OSBPL1A: variants seen among roughly 807,000 people sequenced by gnomAD.
OSBPL1A encodes the protein oxysterol binding protein like 1A, also known as oxysterol-binding protein-related protein 1.
A neutral mutation model predicts 137.1 loss-of-function variants in OSBPL1A; 80 were observed. The observed-to-expected ratio is 0.58, with a 90% CI of 0.49 to 0.70. The LOEUF (loss-of-function observed/expected upper bound fraction) is 0.70, where lower values mean the gene tolerates loss of function less well. OSBPL1A is among the 30% of genes least tolerant of loss of function. OSBPL1A has a pLI of 0.00. For synonymous variants in OSBPL1A, 365 were observed against 389.7 expected (o/e 0.94, Z 0.75); for missense variants, 970 against 1,129.4 (o/e 0.86, Z 2.02).
intron 27 of OSBPL1A, among the ~76,000 whole-genome samples, chr18:24,164,480 G>C (rs1467341499): frequency 7.5e-6 from 1 of 132,454 alleles, no homozygotes; most frequent in African/African-American, 2.9e-5. Context: ...CCAGGCTGGA[G>C]TGCAGTGGCG....
intron 2 of OSBPL1A, among the ~76,000 whole-genome samples, chr18:24,371,170 C>T (rs925416117): frequency 2.0e-5 from 3 of 152,114 alleles, no homozygotes; most frequent in Non-Finnish European, 4.4e-5. Flanking sequence ...ACACCCAGGT[C>T]GCTAACCAAC....
At chr18:24,265,836 C>T (rs912483999) in intron 15 of OSBPL1A, among the ~76,000 whole-genome samples, 3 of 152,212 alleles carry the variant, frequency 2.0e-5, no homozygotes, top group African/African-American at 7.2e-5. Flanking sequence ...CTCTCTTGAC[C>T]ACTGAGCACA....
intron 13 of OSBPL1A, among the ~76,000 whole-genome samples, chr18:24,308,625 A>C (rs1157210023): frequency 6.6e-6 from 1 of 152,110 alleles, no homozygotes; most frequent in Admixed American, 6.5e-5. Flanking sequence ...AGCCTCTAAG[A>C]GCCTATCCCA....
chr18:24,371,148 T>A (rs964361738), intron 2 of OSBPL1A, among the ~76,000 whole-genome samples: 1 of 152,146 alleles, frequency 6.6e-6, no homozygotes, highest in African/African-American at 2.4e-5. Flanking sequence ...CGAGCCCAGT[T>A]TCTCCATAAC....
At chr18:24,251,148 A>G (rs548377710) in intron 15 of OSBPL1A, among the ~76,000 whole-genome samples, 4 of 152,328 alleles carry the variant, frequency 2.6e-5, no homozygotes, top group African/African-American at 9.6e-5. Context: ...GACTCCCAGA[A>G]AACATCTCTG....
In OSBPL1A at chr18:24,170,420, C is replaced by A; in HGVS notation, c.2325G>T (p.Trp775Cys). 6.2e-7 allele frequency: 1 copy of A among 1,614,092 alleles called. No homozygotes were observed. The highest frequency in any genetic ancestry group is 8.5e-7 in the Non-Finnish European group (1 of 1,179,976). ...KKKLCALYGKWTECLYSVDPA... is the reference protein window; with the variant it reads ...KKKLCALYGKCTECLYSVDPA... Reference sequence around the variant, plus strand: ...GGTCAACACTGTATAAACATTCAGTCCACTTCCCATAGAGGGCACAGAGCT... The same window carrying A: ...GGTCAACACTGTATAAACATTCAGTACACTTCCCATAGAGGGCACAGAGCT... The change falls in exon 24 of 28, where the codon TGG (tryptophan) becomes TGT (cysteine). Residue 775 changes from tryptophan (W) to cysteine (C), a missense_variant. This residue lies in a region of OSBPL1A where 323 missense variants were observed against 456.8 expected (regional missense o/e 0.71). Coordinates refer to ENST00000319481, the MANE Select transcript of OSBPL1A (RefSeq NM_080597.4).
chr18:24,176,662 C>G (rs989116202), intron 21 of OSBPL1A, among the ~76,000 whole-genome samples: 1 of 152,090 alleles, frequency 6.6e-6, no homozygotes, highest in Non-Finnish European at 1.5e-5. Context: ...AGTTTCAGGC[C>G]AGAAGTCCTG....
intron 15 of OSBPL1A, among the ~76,000 whole-genome samples, chr18:24,251,038 G>T (rs543030782): frequency 5.3e-5 from 8 of 152,308 alleles, no homozygotes; most frequent in African/African-American, 1.9e-4. Flanking sequence ...GAAAGGGGAG[G>T]GAAGAGCGGG....
At chr18:24,338,581 A>G (rs953053708) in intron 5 of OSBPL1A, among the ~76,000 whole-genome samples, 1 of 152,182 alleles carries the variant, frequency 6.6e-6, no homozygotes, top group Non-Finnish European at 1.5e-5. Flanking sequence ...GTTTGGCCAC[A>G]AGTAAGATCA....
chr18:24,237,339 G>A (rs1008229996), intron 16 of OSBPL1A, among the ~76,000 whole-genome samples: 1 of 151,998 alleles, frequency 6.6e-6, no homozygotes, highest in Non-Finnish European at 1.5e-5. Flanking sequence ...GTCTCATTCT[G>A]TTGCCCCCAG....
chr18:24,204,452 A>C (rs1035088711), intron 17 of OSBPL1A, among the ~76,000 whole-genome samples: 3 of 152,112 alleles, frequency 2.0e-5, no homozygotes, highest in African/African-American at 7.2e-5. Context: ...ACATGGTACC[A>C]TCTGCAGGTT....
intron 1 of OSBPL1A, among the ~76,000 whole-genome samples, chr18:24,385,627 G>A (rs1411218573): frequency 6.6e-6 from 1 of 152,108 alleles, no homozygotes; most frequent in Non-Finnish European, 1.5e-5. Flanking sequence ...AATGGGATGG[G>A]TACGAAAGAA....
Position 24,178,142 on chromosome 18 carries a change from A to G in OSBPL1A, c.1964T>C (p.Ile655Thr). 1 of 1,535,676 alleles carries G rather than the reference A, an allele frequency of 6.5e-7. No individual in the cohort carries two copies. The highest frequency in any genetic ancestry group is 8.8e-7 in the Non-Finnish European group (1 of 1,131,710). The part of the protein sequence containing the change: ...ISEQVSHHPP[I>T]SAFHAEGLNN... ...TAATCCTTCAGCATGAAATGCACTG[A>G]TTGGTGGGTGATGGCTGACCTGTTC... Residue 655 changes from isoleucine (I) to threonine (T), a missense_variant, in exon 21 of 28, where the codon ATC (isoleucine) becomes ACC (threonine). Ile to Thr is a moderately conservative substitution (Grantham distance 89). Transcript: ENST00000319481.
chr18:24,233,087 C>T (rs969750579), intron 16 of OSBPL1A, among the ~76,000 whole-genome samples: 2 of 152,124 alleles, frequency 1.3e-5, no homozygotes, highest in African/African-American at 2.4e-5. Context: ...AAAAGTAATG[C>T]GTTCTGAACC....
chr18:24,305,333 G>A (rs1218187396), intron 13 of OSBPL1A, among the ~76,000 whole-genome samples: 1 of 152,078 alleles, frequency 6.6e-6, no homozygotes, highest in Non-Finnish European at 1.5e-5. Context: ...TTATTAATAA[G>A]TTTCCTTGAT....
chr18:24,388,819 A>T (rs1056673023), intron 1 of OSBPL1A, among the ~76,000 whole-genome samples: 6 of 151,606 alleles, frequency 4.0e-5, no homozygotes, highest in East Asian at 1.9e-4. Context: ...AAAAAAAAAA[A>T]AACCAAAAAT....
intron 4 of OSBPL1A, among the ~76,000 whole-genome samples, chr18:24,352,737 A>G (rs910214342): frequency 2.2e-4 from 33 of 152,230 alleles, no homozygotes; most frequent in African/African-American, 7.7e-4. Context: ...AATGGAACAG[A>G]ACAGAGTCCT....
At chr18:24,315,698 T>C (rs1257194571) in intron 11 of OSBPL1A, among the ~76,000 whole-genome samples, 1 of 122,682 alleles carries the variant, frequency 8.2e-6, no homozygotes, top group Non-Finnish European at 1.6e-5. Flanking sequence ...TATTATATAC[T>C]ATATAATAAA....
intron 11 of OSBPL1A, among the ~76,000 whole-genome samples, chr18:24,316,011 A>G (rs964847080): frequency 8.0e-5 from 12 of 149,886 alleles, no homozygotes; most frequent in Admixed American, 5.5e-4. Context: ...CTATAATCCC[A>G]GCACTTTGGT....
Sources: allele counts gnomAD v4.1 joint callset (sites outside exome capture counted in the v4.1 genomes callset), GRCh38; gene constraint gnomAD v4.1.1; regional missense constraint gnomAD v4.1.1; transcripts MANE v1.5; gene names NCBI Gene and HGNC (gene_info 2026-07-23, HGNC 2026-07-21).